Variants in MSRA observed in about 807,000 individuals in gnomAD.
MSRA encodes the protein mitochondrial peptide methionine sulfoxide reductase.
Under a neutral mutation model 31.3 loss-of-function variants are expected in MSRA, and 54 were observed. The observed-to-expected ratio is 1.73, with a 90% CI of 1.39 to 2.17. The LOEUF is 2.17. Among genes scored for constraint, MSRA ranks in the 30% most tolerant of loss-of-function variants. The pLI is 0.00. For synonymous variants in MSRA, 169 were observed against 116.5 expected, an observed-to-expected ratio of 1.45 and a Z score of -2.90; for missense variants, 507 against 300.9, an observed-to-expected ratio of 1.69 and a Z score of -5.07.
At chr8:10,134,094 A>G (rs1802091787) in intron 1 of MSRA, among the ~76,000 whole-genome samples, 1 of 152,038 alleles carries the variant, frequency 6.6e-6, no homozygotes, top group Admixed American at 6.6e-5. Context: ...AGCCTTCCAA[A>G]GTGCTGGGAT....
intron 1 of MSRA, among the ~76,000 whole-genome samples, chr8:10,110,428 C>G (rs540173340): frequency 6.6e-6 from 1 of 152,172 alleles, no homozygotes; most frequent in African/African-American, 2.4e-5. Context: ...AAAGGAGACT[C>G]CACTGAGTCA....
At chr8:10,280,049 T>A (rs1346068718) in intron 3 of MSRA, among the ~76,000 whole-genome samples, 1 of 152,224 alleles carries the variant, frequency 6.6e-6, no homozygotes, top group Non-Finnish European at 1.5e-5. Flanking sequence ...TTTTTCTTCT[T>A]TCTGGGCCAA....
At chr8:10,420,890 C>T (rs918462947) in intron 5 of MSRA, among the ~76,000 whole-genome samples, 3 of 7,128 alleles carry the variant, frequency 4.2e-4, no homozygotes, top group Non-Finnish European at 8.6e-4. Context: ...TTTACCACAA[C>T]TTAAAAAAAA....
chr8:10,257,103 G>C lies in MSRA; in HGVS notation c.331+11880G>C, dbSNP rs190961028. 4.5e-4 allele frequency among the ~76,000 whole-genome samples: 69 copies of C among 152,294 alleles called. 3 individuals carry two copies. Among genetic ancestry groups the C allele is most frequent in the Middle Eastern group, 3.4e-3 (1 of 294 alleles). ...CCCTTTCTTGGCCAGGGCATTGCAA[G>C]GCAGGGTTAGTGCTCGTAGACAAAC... On this transcript the variant is annotated intron_variant, in intron 3 of 5. Transcript: ENST00000317173.
At chr8:10,209,332 C>T (rs116335116) in intron 2 of MSRA, among the ~76,000 whole-genome samples, 12 of 152,138 alleles carry the variant, frequency 7.9e-5, no homozygotes, top group Non-Finnish European at 1.6e-4. Flanking sequence ...ATATGAGAAA[C>T]TAAGTCTTAT....
intron 5 of MSRA, among the ~76,000 whole-genome samples, chr8:10,330,346 A>G (rs1175247957): frequency 2.6e-5 from 4 of 152,168 alleles, no homozygotes; most frequent in East Asian, 1.9e-4. Flanking sequence ...AATATACTCA[A>G]TGAATATTTA....
At chr8:10,070,073 C>G (rs1797656314) in intron 1 of MSRA, among the ~76,000 whole-genome samples, 1 of 152,054 alleles carries the variant, frequency 6.6e-6, no homozygotes, top group Non-Finnish European at 1.5e-5. Flanking sequence ...CTTTTGAAGC[C>G]AACTTGAGTC....
chr8:10,237,488 A>G (rs940831134), intron 2 of MSRA, among the ~76,000 whole-genome samples: 2 of 152,268 alleles, frequency 1.3e-5, no homozygotes, highest in African/African-American at 4.8e-5. Context: ...GTTCAATAAA[A>G]TTCTATTTAA....
At chr8:10,394,881 A>T (rs1425965478) in intron 5 of MSRA, among the ~76,000 whole-genome samples, 1 of 152,220 alleles carries the variant, frequency 6.6e-6, no homozygotes, top group Non-Finnish European at 1.5e-5. Context: ...ATGCTTATTG[A>T]TTGTAAATCA....
chr8:10,099,816 C>T (rs1007603802), intron 1 of MSRA, among the ~76,000 whole-genome samples: 2 of 152,192 alleles, frequency 1.3e-5, no homozygotes, highest in Non-Finnish European at 1.5e-5. Context: ...TGGCCCTGGA[C>T]ACCGGCTTTC....
At chr8:10,125,991 C>T (rs1279498343) in intron 1 of MSRA, among the ~76,000 whole-genome samples, 3 of 152,210 alleles carry the variant, frequency 2.0e-5, no homozygotes, top group African/African-American at 4.8e-5. Flanking sequence ...GTCAGAGTCT[C>T]CTACAGAACT....
chr8:10,384,520 C>T (rs900896783), intron 5 of MSRA, among the ~76,000 whole-genome samples: 1 of 152,180 alleles, frequency 6.6e-6, no homozygotes, highest in Non-Finnish European at 1.5e-5. Flanking sequence ...ACTCTGGCTG[C>T]TCATTGGAAT....
At chr8:10,155,450 C>T (rs115698163) in intron 1 of MSRA, among the ~76,000 whole-genome samples, 364 of 152,226 alleles carry the variant, frequency 2.4e-3, no homozygotes, top group African/African-American at 8.0e-3. Context: ...CATCCCAATA[C>T]GCACACATTC....
At position 10,116,384 on chromosome 8, in the gene MSRA, A is replaced by G. The variant is rs980532203; in HGVS notation, c.142+61726A>G. Among the ~76,000 whole-genome samples, 7 of 152,214 alleles carry G rather than the reference A, an allele frequency of 4.6e-5. No homozygotes were observed. The South Asian group carries it at 6.2e-4, about 14-fold the overall frequency. On this transcript the variant is annotated intron_variant, in intron 1 of 5. Transcript: ENST00000317173. The stretch of plus-strand genomic sequence containing the variant: ...ACCCCCTGGACTATAGTATTAATGC[A>G]TCACATAGTTCATTCTTTTCACATA...
At chr8:10,219,607 C>G (rs1163946700) in intron 2 of MSRA, among the ~76,000 whole-genome samples, 1 of 151,902 alleles carries the variant, frequency 6.6e-6, no homozygotes, top group Non-Finnish European at 1.5e-5. Flanking sequence ...CAGACTGAGA[C>G]CATCCTGGCT....
At chr8:10,055,885 G>A (rs1009151016) in intron 1 of MSRA, among the ~76,000 whole-genome samples, 1 of 152,076 alleles carries the variant, frequency 6.6e-6, no homozygotes, top group Non-Finnish European at 1.5e-5. Context: ...CGAATTAGCA[G>A]TTTCTGTTTC....
intron 1 of MSRA, among the ~76,000 whole-genome samples, chr8:10,166,700 T>C (rs532679256): frequency 1.3e-5 from 2 of 152,328 alleles, no homozygotes; most frequent in African/African-American, 4.8e-5. Context: ...ACTCATTCAC[T>C]TGATCATACT....
At chr8:10,420,699 T>C (rs916402328) in intron 5 of MSRA, among the ~76,000 whole-genome samples, 18 of 152,074 alleles carry the variant, frequency 1.2e-4, no homozygotes, top group Admixed American at 3.3e-4. Flanking sequence ...CAAGTGCTTT[T>C]CATGCCTATG....
intron 5 of MSRA, among the ~76,000 whole-genome samples, chr8:10,422,937 G>A (rs1165470977): frequency 1.3e-5 from 2 of 152,248 alleles, no homozygotes; most frequent in Non-Finnish European, 2.9e-5. Flanking sequence ...TGGAGGATGA[G>A]CACAGTCCCC....
Sources: allele counts gnomAD v4.1 joint callset (sites outside exome capture counted in the v4.1 genomes callset), GRCh38; gene constraint gnomAD v4.1.1; transcripts MANE v1.5; gene names NCBI Gene and HGNC (gene_info 2026-07-23, HGNC 2026-07-21).